WWOX: variants seen among roughly 807,000 people sequenced by gnomAD.
WWOX encodes the protein WW domain-containing oxidoreductase.
In WWOX, 69 loss-of-function variants were observed where a neutral mutation model predicts 46.2. That is an observed-to-expected ratio of 1.49 (90% confidence interval 1.23 to 1.82). The LOEUF is 1.82. Ranked by LOEUF, WWOX falls within the 40% of genes most tolerant of loss-of-function variation. WWOX has a pLI of 0.00. For synonymous variants in WWOX, 359 were observed against 202.6 expected, an observed-to-expected ratio of 1.77 and a Z score of -6.56; for missense variants, 919 against 542.6, an observed-to-expected ratio of 1.69 and a Z score of -6.89.
At position 79,046,728 on chromosome 16, in the gene WWOX, C is replaced by T. The variant is rs773911236; in HGVS notation, c.1057-164880C>T. 2.0e-5 allele frequency among the ~76,000 whole-genome samples: 3 copies of T among 152,260 alleles called. No homozygotes were observed. The South Asian group carries it at 6.2e-4, about 32-fold the overall frequency. On this transcript the variant is annotated intron_variant, in intron 8 of 8. Transcript: ENST00000566780. ...AGATTCTTCCTGCAGCCATTCAGCT[C>T]CCACCTCTTTCTCTCAAAAAGAAAT...
At chr16:78,829,358 A>G (rs1339216692) in intron 8 of WWOX, among the ~76,000 whole-genome samples, 1 of 152,156 alleles carries the variant, frequency 6.6e-6, no homozygotes, top group African/African-American at 2.4e-5. Flanking sequence ...ATTATTTCTT[A>G]CTCAGACTTT....
chr16:78,668,723 G>A (rs1022871924), intron 8 of WWOX, among the ~76,000 whole-genome samples: 5 of 152,092 alleles, frequency 3.3e-5, no homozygotes, highest in Non-Finnish European at 7.4e-5. Flanking sequence ...GTGTTTGTAG[G>A]TAGACCACCC....
chr16:78,585,223 T>C (rs752965837), intron 8 of WWOX, among the ~76,000 whole-genome samples: 1 of 152,166 alleles, frequency 6.6e-6, no homozygotes, highest in African/African-American at 2.4e-5. Context: ...GCCCATAAAA[T>C]GTAATCTGCA....
At chr16:78,180,832 G>A (rs566321155) in intron 5 of WWOX, among the ~76,000 whole-genome samples, 1 of 152,300 alleles carries the variant, frequency 6.6e-6, no homozygotes, top group Non-Finnish European at 1.5e-5. Flanking sequence ...GTATACATGA[G>A]TGCTAGTGGG....
intron 5 of WWOX, among the ~76,000 whole-genome samples, chr16:78,308,846 A>G (rs2151872661): frequency 6.6e-6 from 1 of 152,218 alleles, no homozygotes. Context: ...AACACTTTTA[A>G]CCAATTGCCA....
intron 5 of WWOX, among the ~76,000 whole-genome samples, chr16:78,369,350 GAA>G (rs149972220): frequency 6.7e-6 from 1 of 150,080 alleles, no homozygotes; most frequent in African/African-American, 2.4e-5. Context: ...AAAAAACGTG[GAA>G]AAAAAAAGAC....
chr16:78,253,710 A>G (rs1343212487), intron 5 of WWOX, among the ~76,000 whole-genome samples: 1 of 152,256 alleles, frequency 6.6e-6, no homozygotes, highest in Non-Finnish European at 1.5e-5. Context: ...TTACTAACAT[A>G]AACCTTCAAT....
chr16:78,193,743 G>A (rs2035956200), intron 5 of WWOX, among the ~76,000 whole-genome samples: 1 of 151,916 alleles, frequency 6.6e-6, no homozygotes, highest in African/African-American at 2.4e-5. Context: ...ACTAATTTGG[G>A]ATTTTTGTTT....
At chr16:78,396,620 A>G (rs928460100) in intron 6 of WWOX, among the ~76,000 whole-genome samples, 1 of 152,200 alleles carries the variant, frequency 6.6e-6, no homozygotes, top group African/African-American at 2.4e-5. Context: ...TCCTTTAGCT[A>G]TAGCAAATAA....
At position 79,019,157 on chromosome 16, in the gene WWOX, C is replaced by CAAAAAAAA. The variant is rs903333994; in HGVS notation, c.1057-192430_1057-192423dup. 3.8e-3 allele frequency among the ~76,000 whole-genome samples: 93 copies of CAAAAAAAA among 24,514 alleles called. 1 individual carries two copies. The highest frequency in any genetic ancestry group is 6.8e-3 in the African/African-American group (44 of 6,458). The allele number at this position is 24,514 out of a possible 152,430, so 16.1% of individuals were successfully genotyped here. ...TGGGCAGCAGAGTGCGACCTTGTCT[C>CAAAAAAAA]AAAAAAAAAAAAAAAAAAAAAAAAA... On this transcript the variant is annotated intron_variant, in intron 8 of 8. Coordinates refer to ENST00000566780, the MANE Select transcript of WWOX (RefSeq NM_016373.4).
At chr16:78,964,607 A>G (rs2046331680) in intron 8 of WWOX, among the ~76,000 whole-genome samples, 1 of 152,254 alleles carries the variant, frequency 6.6e-6, no homozygotes, top group Non-Finnish European at 1.5e-5. Context: ...TGTGCGATAG[A>G]AAAGAAAAAC....
chr16:78,106,421 G>GTTTTTTTTTTT (rs34551316), intron 1 of WWOX, among the ~76,000 whole-genome samples: 1 of 122,994 alleles, frequency 8.1e-6, no homozygotes, highest in Non-Finnish European at 1.7e-5. Context: ...GTTTTTTTTT[G>GTTTTTTTTTTT]TTTTTTTTTT....
intron 8 of WWOX, among the ~76,000 whole-genome samples, chr16:78,917,431 C>T (rs1344739792): frequency 6.6e-6 from 1 of 152,076 alleles, no homozygotes; most frequent in Non-Finnish European, 1.5e-5. Flanking sequence ...CGTGTAGGAA[C>T]TGAGCAAGGT....
chr16:78,717,467 G>T (rs117425455), intron 8 of WWOX, among the ~76,000 whole-genome samples: 2 of 152,170 alleles, frequency 1.3e-5, no homozygotes, highest in Non-Finnish European at 2.9e-5. Context: ...GTGGTGCTTG[G>T]CTTTTGGTAG....
intron 8 of WWOX, chr16:78,996,237 T>C: frequency 1.0e-6 from 1 of 985,240 alleles, no homozygotes. Flanking sequence ...AGAAGTAACC[T>C]TGAAAAGGGC....
intron 8 of WWOX, among the ~76,000 whole-genome samples, chr16:78,785,797 GGA>G (rs1567558421): frequency 3.3e-4 from 50 of 152,144 alleles, no homozygotes; most frequent in Admixed American, 2.2e-3. Flanking sequence ...TTGCTGAATT[GGA>G]TAATGGTTTT....
At chr16:78,681,232 C>G (rs776765648) in intron 8 of WWOX, among the ~76,000 whole-genome samples, 1 of 151,940 alleles carries the variant, frequency 6.6e-6, no homozygotes, top group Non-Finnish European at 1.5e-5. Flanking sequence ...CAGAGCAAGA[C>G]TGTCTCATAA....
chr16:78,214,583 A>G (rs902080209), intron 5 of WWOX, among the ~76,000 whole-genome samples: 4 of 152,120 alleles, frequency 2.6e-5, no homozygotes, highest in African/African-American at 9.7e-5. Flanking sequence ...TAATCATGCC[A>G]TTTAGCCACA....
At chr16:78,619,603 A>G (rs537786359) in intron 8 of WWOX, among the ~76,000 whole-genome samples, 1 of 151,984 alleles carries the variant, frequency 6.6e-6, no homozygotes, top group African/African-American at 2.4e-5. Context: ...GGCAATAGTG[A>G]TAGTAAAAAG....
Sources: gnomAD v4.1 joint callset for allele counts (sites outside exome capture counted in the v4.1 genomes callset) on GRCh38, gnomAD v4.1.1 for gene constraint, MANE v1.5 for transcripts, NCBI Gene and HGNC (gene_info 2026-07-23, HGNC 2026-07-21) for gene names.